Variants in TSPAN9 observed in about 807,000 individuals in gnomAD.
TSPAN9 encodes the protein tetraspanin 9.
A neutral mutation model predicts 31.0 loss-of-function variants in TSPAN9; 16 were observed. The observed-to-expected ratio is 0.52, with a 90% CI of 0.35 to 0.78. The LOEUF is 0.78. Among genes scored for constraint, TSPAN9 ranks in the 30% least tolerant of loss-of-function variants. The pLI, the probability that TSPAN9 is intolerant of heterozygous loss-of-function variation, is 0.01. For missense variants in TSPAN9, 272 were observed against 312.5 expected (o/e 0.87, Z 0.98); for synonymous variants, 145 against 121.6 (o/e 1.19, Z -1.27).
intron 3 of TSPAN9, among the ~76,000 whole-genome samples, chr12:3,241,097 C>T (rs1424300638): frequency 6.6e-6 from 1 of 152,190 alleles, no homozygotes; most frequent in Non-Finnish European, 1.5e-5. Context: ...AAAACAGGCT[C>T]ATCCTCTGGC....
intron 3 of TSPAN9, among the ~76,000 whole-genome samples, chr12:3,207,455 T>C (rs1414091324): frequency 1.3e-5 from 2 of 151,714 alleles, no homozygotes; most frequent in Non-Finnish European, 2.9e-5. Context: ...GGTGGGGGGT[T>C]GGGGTCTGAT....
intron 3 of TSPAN9, among the ~76,000 whole-genome samples, chr12:3,212,767 T>A (rs2098379426): frequency 6.6e-6 from 1 of 152,178 alleles, no homozygotes; most frequent in Non-Finnish European, 1.5e-5. Flanking sequence ...TGCTCTTGCC[T>A]AGCAAGGGGG....
rs2098349888 is a variant in TSPAN9 at position 3,168,558 on chromosome 12, C to T, written c.-17-32619C>T. ...GAGCTGGGGGGCGGTGGGGAGCTGA[C>T]TTACTTTCTCTTTGCCCCCCTCTAT... On this transcript the variant is annotated intron_variant, in intron 2 of 8. Coordinates refer to ENST00000011898, the MANE Select transcript of TSPAN9 (RefSeq NM_006675.5). The surrounding 1 kb of genome is among the most constrained non-coding windows in gnomAD (Gnocchi z 4.0). 6.6e-6 allele frequency among the ~76,000 whole-genome samples: 1 copy of T among 152,120 alleles called. No homozygotes were observed. The highest frequency in any genetic ancestry group is 1.9e-4 in the East Asian group (1 of 5,186).
intron 2 of TSPAN9, among the ~76,000 whole-genome samples, chr12:3,181,133 G>A (rs2098358385): frequency 6.6e-6 from 1 of 152,166 alleles, no homozygotes; most frequent in African/African-American, 2.4e-5. Context: ...TGTGCGAGCG[G>A]CTGGCGCCCG....
At chr12:3,121,924 G>C (rs1397455151) in intron 2 of TSPAN9, among the ~76,000 whole-genome samples, 1 of 152,310 alleles carries the variant, frequency 6.6e-6, no homozygotes, top group African/African-American at 2.4e-5. Context: ...TACTGTATCA[G>C]TCACACAGCT....
chr12:3,104,157 A>T (rs1007936823), intron 2 of TSPAN9, among the ~76,000 whole-genome samples: 5 of 151,946 alleles, frequency 3.3e-5, no homozygotes, highest in Non-Finnish European at 5.9e-5. Context: ...GGAGTGAGCA[A>T]GGGGAAGGTC....
At chr12:3,202,909 G>A (rs1476680348) in intron 3 of TSPAN9, among the ~76,000 whole-genome samples, 2 of 152,222 alleles carry the variant, frequency 1.3e-5, no homozygotes, top group Non-Finnish European at 2.9e-5. Flanking sequence ...GTGGGCCAGT[G>A]CCTCCTGGTC....
chr12:3,255,314 T>C lies in TSPAN9; in HGVS notation c.64-23107T>C, dbSNP rs536821900. Among the ~76,000 whole-genome samples the C allele has an allele frequency of 7.2e-5, 11 of 152,302 alleles. No homozygotes were observed. In the South Asian group the frequency reaches 1.9e-3, roughly 26 times the overall value. The stretch of plus-strand genomic sequence containing the variant: ...ATGTGGACCCTTCGCAGAGGTGGCC[T>C]GAGGAGACATGGCCCCCAGGCTGAC... On this transcript the variant is annotated intron_variant, in intron 3 of 8. Coordinates refer to ENST00000011898, the MANE Select transcript of TSPAN9 (RefSeq NM_006675.5).
intron 2 of TSPAN9, among the ~76,000 whole-genome samples, chr12:3,159,442 C>T (rs1351525534): frequency 6.6e-6 from 1 of 152,134 alleles, no homozygotes; most frequent in Admixed American, 6.6e-5. Flanking sequence ...CAATTTTGCC[C>T]CTGCAAATCC....
Position 3,281,178 on chromosome 12 carries a change from C to A in TSPAN9, c.433-20C>A. 6.4e-7 allele frequency: 1 copy of A among 1,550,666 alleles called. No homozygotes were observed. Among genetic ancestry groups the A allele is most frequent in the Non-Finnish European group, 8.7e-7 (1 of 1,146,790 alleles). The stretch of plus-strand genomic sequence containing the variant: ...CGGGCCATGGCATGTCTGACTGCCC[C>A]TTCCATTCCTGCTGGCCAGATGCGA... On this transcript the variant is annotated intron_variant, in intron 6 of 8. Transcript: ENST00000011898.
chr12:3,232,737 TG>T (rs760671398), intron 3 of TSPAN9, among the ~76,000 whole-genome samples: 3 of 152,160 alleles, frequency 2.0e-5, no homozygotes, highest in Non-Finnish European at 2.9e-5. Flanking sequence ...ATTTGGTGCA[TG>T]GGTCTGGCGC....
chr12:3,193,687 T>G (rs1447981783), intron 2 of TSPAN9, among the ~76,000 whole-genome samples: 1 of 152,210 alleles, frequency 6.6e-6, no homozygotes, highest in Admixed American at 6.5e-5. Flanking sequence ...GCAGCAGTGC[T>G]CCTGGCTGTG....
intron 2 of TSPAN9, among the ~76,000 whole-genome samples, chr12:3,144,099 A>T (rs796118259): frequency 6.7e-5 from 10 of 149,156 alleles, no homozygotes; most frequent in East Asian, 1.9e-4. Context: ...TTATTTATTT[A>T]TTTTTTATTT....
intron 2 of TSPAN9, among the ~76,000 whole-genome samples, chr12:3,166,094 T>C (rs2098348291): frequency 6.6e-6 from 1 of 152,200 alleles, no homozygotes. Flanking sequence ...GCAGATGTAA[T>C]AGTTTGGCAT....
At chr12:3,256,277 A>G (rs1467802803) in intron 3 of TSPAN9, among the ~76,000 whole-genome samples, 1 of 152,212 alleles carries the variant, frequency 6.6e-6, no homozygotes, top group Non-Finnish European at 1.5e-5. Context: ...CTTCGTAAGG[A>G]GCTGCCCTGG....
At chr12:3,169,132 G>A (rs889289039) in intron 2 of TSPAN9, among the ~76,000 whole-genome samples, 2 of 152,216 alleles carry the variant, frequency 1.3e-5, no homozygotes, top group African/African-American at 4.8e-5. Flanking sequence ...TCTTCTGCAC[G>A]TGGAGTGTGG....
intron 2 of TSPAN9, among the ~76,000 whole-genome samples, chr12:3,159,649 T>C (rs1301904279): frequency 6.6e-6 from 1 of 152,078 alleles, no homozygotes; most frequent in Non-Finnish European, 1.5e-5. Context: ...GGAAGACCAC[T>C]TGAGTCCAGG....
intron 1 of TSPAN9, among the ~76,000 whole-genome samples, chr12:3,082,098 T>C (rs4766040): frequency 0.95 from 143,889 of 152,074 alleles, 68,521 homozygotes; most frequent in East Asian, 1. Flanking sequence ...AGTTGAGAAA[T>C]GGGCTCGAAA....
At chr12:3,126,644 C>A (rs116798717) in intron 2 of TSPAN9, among the ~76,000 whole-genome samples, 2,554 of 152,286 alleles carry the variant, frequency 0.017, 72 homozygotes, top group African/African-American at 0.058. Context: ...CCTGGGGGCT[C>A]ACACCTGTAA....
Sources: allele counts gnomAD v4.1 joint callset (sites outside exome capture counted in the v4.1 genomes callset), GRCh38; gene constraint gnomAD v4.1.1; non-coding constraint Gnocchi (gnomAD v3.1); transcripts MANE v1.5; gene names NCBI Gene and HGNC (gene_info 2026-07-23, HGNC 2026-07-21).